The following DGKI variants were observed in gnomAD, a reference collection of about 807,000 sequenced individuals.
DGKI encodes diacylglycerol kinase iota, also known as DAG kinase iota.
Under a neutral mutation model 147.5 loss-of-function variants are expected in DGKI, and 55 were observed. The ratio of observed to expected loss-of-function variants is 0.37; its 90% CI spans 0.30 to 0.47. DGKI has a LOEUF of 0.47. Among genes scored for constraint, DGKI ranks in the 20% least tolerant of loss-of-function variants. The pLI, the probability that DGKI is intolerant of heterozygous loss-of-function variation, is 1.00. For synonymous variants in DGKI, 469 were observed against 477.1 expected (o/e 0.98, Z 0.22); for missense variants, 1,007 against 1,323.8 (o/e 0.76, Z 3.71).
At chr7:137,568,677 C>T (rs192788372) in intron 19 of DGKI, among the ~76,000 whole-genome samples, 1 of 152,228 alleles carries the variant, frequency 6.6e-6, no homozygotes, top group Non-Finnish European at 1.5e-5. Flanking sequence ...ATCACGTAAC[C>T]CTTTCCAAGT....
chr7:137,672,510 G>A (rs980503166), intron 3 of DGKI, among the ~76,000 whole-genome samples: 4 of 152,128 alleles, frequency 2.6e-5, no homozygotes, highest in African/African-American at 9.7e-5. Context: ...GTGTTCTGTG[G>A]GGAACCCAAA....
At chr7:137,486,159 A>C (rs1815549539) in intron 22 of DGKI, among the ~76,000 whole-genome samples, 1 of 152,060 alleles carries the variant, frequency 6.6e-6, no homozygotes, top group Non-Finnish European at 1.5e-5. Context: ...ATTACTTTCC[A>C]TTAGTTTTAA....
intron 1 of DGKI, among the ~76,000 whole-genome samples, chr7:137,828,493 G>A (rs1449970436): frequency 6.6e-6 from 1 of 152,124 alleles, no homozygotes; most frequent in African/African-American, 2.4e-5. Flanking sequence ...CTCAGTGCGT[G>A]GAAGAGCCTC....
chr7:137,476,534 T>C (rs756622447), intron 23 of DGKI, among the ~76,000 whole-genome samples: 1 of 152,188 alleles, frequency 6.6e-6, no homozygotes, highest in Non-Finnish European at 1.5e-5. Flanking sequence ...AAGTCTCACA[T>C]AGTCATCTCC....
intron 3 of DGKI, among the ~76,000 whole-genome samples, chr7:137,668,861 G>A (rs1393765950): frequency 6.6e-6 from 1 of 152,170 alleles, no homozygotes; most frequent in African/African-American, 2.4e-5. Context: ...TCCAAACCTA[G>A]TACTCTGAGT....
At chr7:137,819,011 GAAATTTCCATTT>G (rs1426510697) in intron 1 of DGKI, among the ~76,000 whole-genome samples, 1 of 152,134 alleles carries the variant, frequency 6.6e-6, no homozygotes, top group Non-Finnish European at 1.5e-5. Context: ...CACAGAAGTG[GAAATTTCCATTT>G]TACAGGTGAT....
intron 28 of DGKI, among the ~76,000 whole-genome samples, chr7:137,413,717 C>A (rs1028802037): frequency 6.6e-6 from 1 of 152,112 alleles, no homozygotes; most frequent in Non-Finnish European, 1.5e-5. Context: ...CAGGTCTTTA[C>A]TATTGTAAAT....
intron 8 of DGKI, among the ~76,000 whole-genome samples, chr7:137,617,094 G>A (rs1411548094): frequency 7.5e-6 from 1 of 133,358 alleles, no homozygotes; most frequent in Non-Finnish European, 1.5e-5. Context: ...TTCCTGTGAT[G>A]GCAATGTACT....
At chr7:137,584,235 G>T (rs1819306438) in intron 14 of DGKI, among the ~76,000 whole-genome samples, 1 of 152,148 alleles carries the variant, frequency 6.6e-6, no homozygotes, top group African/African-American at 2.4e-5. Flanking sequence ...AATCTCTGGT[G>T]ACTGGGCCTT....
At chr7:137,453,873 C>T (rs1276647959) in intron 27 of DGKI, among the ~76,000 whole-genome samples, 1 of 151,900 alleles carries the variant, frequency 6.6e-6, no homozygotes, top group Non-Finnish European at 1.5e-5. Flanking sequence ...GACTCACCTA[C>T]CCAAATATAT....
At chr7:137,839,096 C>T (rs1224817937) in intron 1 of DGKI, among the ~76,000 whole-genome samples, 10 of 152,326 alleles carry the variant, frequency 6.6e-5, no homozygotes, top group African/African-American at 2.4e-4. Flanking sequence ...TGGCTTCCTG[C>T]TCTCAGATGA....
chr7:137,824,831 T>G (rs962011230), intron 1 of DGKI, among the ~76,000 whole-genome samples: 6 of 152,198 alleles, frequency 3.9e-5, no homozygotes, highest in Non-Finnish European at 8.8e-5. Flanking sequence ...GTTCCTGTGT[T>G]AGTTTGCTAA....
At chr7:137,578,229 TA>T in intron 16 of DGKI, 40 bp downstream of exon 16, 3 of 1,415,112 alleles carry the variant, frequency 2.1e-6, no homozygotes, top group Non-Finnish European at 2.0e-6. Flanking sequence ...GAATTGGCAA[TA>T]AGTAATATGT....
intron 27 of DGKI, among the ~76,000 whole-genome samples, chr7:137,462,735 T>G (rs1585137499): frequency 6.6e-6 from 1 of 152,266 alleles, no homozygotes; most frequent in African/African-American, 2.4e-5. Context: ...CCAGCCTAAT[T>G]TCATGAACAC....
chr7:137,525,949 C>T (rs1337877067), intron 20 of DGKI, among the ~76,000 whole-genome samples: 3 of 151,736 alleles, frequency 2.0e-5, no homozygotes, highest in African/African-American at 7.3e-5. Context: ...GGGTGCTCTC[C>T]CACCTAGTAT....
Position 137,485,486 on chromosome 7 carries a change from A to G in DGKI, c.2329-68T>C, listed in dbSNP as rs953173595. ...TTTGAACAAGCTGCCCCACAACTCA[A>G]TCTCAACTGAACTCCCAATTTAATA... On this transcript the variant is annotated intron_variant, in intron 22 of 32. Coordinates refer to ENST00000614521, the MANE Select transcript of DGKI (RefSeq NM_001321708.2). 3.3e-6 allele frequency: 4 copies of G among 1,208,596 alleles called. No individual in the cohort carries two copies. In the East Asian group the frequency reaches 1.0e-4, roughly 30 times the overall value. The allele number at this position is 1,208,596 out of a possible 1,614,324, so 74.9% of individuals were successfully genotyped here. A position where few individuals can be genotyped will look rare whatever the true frequency, so the allele number is the denominator to read the frequency against.
In DGKI at chr7:137,521,956, C is replaced by A; in HGVS notation, c.2158G>T (p.Val720Phe). Residue 720 changes from valine to phenylalanine, a missense_variant, in exon 21 of 33, where the codon GTC becomes TTC. Val to Phe is a conservative substitution (Grantham distance 50). Around this residue, in one of 5 missense-constraint regions of DGKI, gnomAD observed 385 missense variants for 445.2 expected, o/e 0.86. Coordinates refer to ENST00000614521, the MANE Select transcript of DGKI (RefSeq NM_001321708.2). ...ACCCGGATCCTCAGACGATCTGGGA[C>A]AGACTGGGGACTGCAAAACAAGAAC... is the stretch of plus-strand genomic sequence containing the variant. ...SMPLLNDPQS[V>F]PDRLRIRVNK... The A allele has an allele frequency of 6.2e-7, 1 of 1,610,578 alleles. No individual in the cohort carries two copies. Among genetic ancestry groups the A allele is most frequent in the South Asian group, 1.1e-5 (1 of 90,712 alleles).
intron 1 of DGKI, among the ~76,000 whole-genome samples, chr7:137,753,315 T>G (rs1795569098): frequency 6.6e-6 from 1 of 152,214 alleles, no homozygotes; most frequent in Admixed American, 6.5e-5. Flanking sequence ...TGCTAGACAC[T>G]GCCCCGGAAA....
intron 8 of DGKI, among the ~76,000 whole-genome samples, chr7:137,618,147 A>ATTTT (rs1466435751): frequency 1.4e-3 from 16 of 11,532 alleles, no homozygotes; most frequent in African/African-American, 3.0e-3. Flanking sequence ...ATATATATAT[A>ATTTT]TATATTTTTT....
Sources: allele counts gnomAD v4.1 joint callset (sites outside exome capture counted in the v4.1 genomes callset), GRCh38; gene constraint gnomAD v4.1.1; regional missense constraint gnomAD v4.1.1; transcripts MANE v1.5; gene names NCBI Gene and HGNC (gene_info 2026-07-23, HGNC 2026-07-21).